CTPS2: variants seen among roughly 807,000 people sequenced by gnomAD.
CTPS2 encodes the protein CTP synthase 2.
A neutral mutation model predicts 46.8 loss-of-function variants in CTPS2; 19 were observed. That is an observed-to-expected ratio of 0.41 (90% CI 0.28 to 0.60). The LOEUF (loss-of-function observed/expected upper bound fraction) is 0.60. Ranked by LOEUF, CTPS2 falls within the 20% of genes least tolerant of loss-of-function variation. The pLI is 0.35. For synonymous variants in CTPS2, 151 were observed against 165.2 expected (o/e 0.91, Z 0.66); for missense variants, 286 against 447.6 (o/e 0.64, Z 3.26).
intron 14 of CTPS2, among the ~76,000 whole-genome samples, chrX:16,631,216 C>T (rs967049354): frequency 9.0e-6 from 1 of 111,017 alleles, no homozygotes; most frequent in East Asian, 2.8e-4. Context: ...GGCGTGGTGG[C>T]GGGCGCCTGT....
At chrX:16,695,301 T>A (rs1471799130) in intron 4 of CTPS2, among the ~76,000 whole-genome samples, 1 of 110,382 alleles carries the variant, frequency 9.1e-6, no homozygotes, top group Non-Finnish European at 1.9e-5. Context: ...GGTACTACAG[T>A]CTCCCTGCTA....
At chrX:16,617,514 A>C (rs1930597063) in intron 15 of CTPS2, among the ~76,000 whole-genome samples, 1 of 112,043 alleles carries the variant, frequency 8.9e-6, no homozygotes, top group African/African-American at 3.2e-5. Flanking sequence ...CTGACCTGGA[A>C]CCTTGAGACT....
intron 1 of CTPS2, among the ~76,000 whole-genome samples, chrX:16,708,017 C>G (rs1204500609): frequency 1.8e-5 from 2 of 110,791 alleles, no homozygotes; most frequent in South Asian, 3.7e-4. Flanking sequence ...GAGAGAGAGA[C>G]AGTAACTAAC....
intron 13 of CTPS2, among the ~76,000 whole-genome samples, chrX:16,667,019 T>C (rs1921244285): frequency 9.0e-6 from 1 of 111,078 alleles, no homozygotes; most frequent in South Asian, 3.8e-4. Context: ...ATTGTGACTG[T>C]CTTTAAGGCA....
At chrX:16,688,996 G>A (rs1033915802) in intron 8 of CTPS2, among the ~76,000 whole-genome samples, 36 of 110,930 alleles carry the variant, frequency 3.2e-4, no homozygotes, top group African/African-American at 1.1e-3. Flanking sequence ...CTACTCAGGA[G>A]GCTGAAGTGG....
chrX:16,671,808 C>A (rs930711404), intron 10 of CTPS2, among the ~76,000 whole-genome samples: 6 of 111,409 alleles, frequency 5.4e-5, no homozygotes, highest in Non-Finnish European at 1.1e-4. Flanking sequence ...AGCCACCATG[C>A]CCAGCCTCCA....
At chrX:16,694,466 C>G (rs181328442) in intron 4 of CTPS2, among the ~76,000 whole-genome samples, 11 of 111,990 alleles carry the variant, frequency 9.8e-5, no homozygotes, top group African/African-American at 3.6e-4. Flanking sequence ...CCCACTAGCC[C>G]TTGTCACAGC....
chrX:16,630,879 C>T (rs1336880148), intron 14 of CTPS2, among the ~76,000 whole-genome samples: 1 of 113,024 alleles, frequency 8.8e-6, no homozygotes, highest in African/African-American at 3.2e-5. Context: ...TGTTGGGACA[C>T]AACCATGCTC....
At chrX:16,631,531 A>G (rs1931470655) in intron 14 of CTPS2, among the ~76,000 whole-genome samples, 1 of 111,233 alleles carries the variant, frequency 9.0e-6, no homozygotes, top group South Asian at 3.8e-4. Context: ...AAATAAAGAA[A>G]TAAATAAATA....
intron 13 of CTPS2, among the ~76,000 whole-genome samples, chrX:16,646,718 A>G (rs1473392343): frequency 8.9e-6 from 1 of 112,253 alleles, no homozygotes; most frequent in Non-Finnish European, 1.9e-5. Flanking sequence ...TGCAGGGACC[A>G]GGTACTAACA....
chrX:16,690,700 T>C (rs760111359), intron 7 of CTPS2, among the ~76,000 whole-genome samples: 1 of 111,664 alleles, frequency 9.0e-6, no homozygotes, highest in East Asian at 2.8e-4. Context: ...CTTATTGGAA[T>C]CAAGAGACAG....
chrX:16,667,843 ACT>A, intron 11 of CTPS2, 119 bp from the exon 12 acceptor site: 1 of 625,665 alleles, frequency 1.6e-6, no homozygotes, highest in Non-Finnish European at 2.5e-6. Context: ...AGAGAGCAAG[ACT>A]CTGCCTGTTT....
At chrX:16,674,143 G>C (rs1313184168) in intron 10 of CTPS2, among the ~76,000 whole-genome samples, 1 of 103,472 alleles carries the variant, frequency 9.7e-6, no homozygotes, top group African/African-American at 3.7e-5. Flanking sequence ...TAGATTAAAA[G>C]GTTAAAGGAT....
intron 17 of CTPS2, among the ~76,000 whole-genome samples, chrX:16,599,467 C>CTTTTTTT (rs1009319649): frequency 3.2e-5 from 3 of 94,561 alleles, no homozygotes; most frequent in African/African-American, 1.2e-4. Context: ...TTTTCTTTTT[C>CTTTTTTT]TTTTTTTTCT....
chrX:16,665,342 G>A (rs780054605), intron 13 of CTPS2, among the ~76,000 whole-genome samples: 9 of 112,409 alleles, frequency 8.0e-5, no homozygotes, highest in Non-Finnish European at 1.1e-4. Context: ...TCACAGCAGC[G>A]TTAGTCACAA....
intron 13 of CTPS2, 87 bp downstream of exon 13, chrX:16,667,427 C>G: frequency 2.0e-6 from 2 of 1,011,975 alleles, no homozygotes; most frequent in Non-Finnish European, 2.8e-6. Context: ...AGCCATGGCG[C>G]CCAGCCAATA....
chrX:16,684,524 A>C (rs1209763723), intron 8 of CTPS2, among the ~76,000 whole-genome samples: 3 of 105,000 alleles, frequency 2.9e-5, no homozygotes, highest in East Asian at 6.1e-4. Flanking sequence ...AAAAAAAAAA[A>C]AAAACAAAAA....
At chrX:16,599,740 C>G (rs113017612) in intron 17 of CTPS2, among the ~76,000 whole-genome samples, 2 of 103,233 alleles carry the variant, frequency 1.9e-5, no homozygotes, top group Admixed American at 1.1e-4. Context: ...CCTCCCAAAG[C>G]GCTGGAATAA....
At chrX:16,675,729 A>G (rs941452114) in intron 10 of CTPS2, among the ~76,000 whole-genome samples, 1 of 111,565 alleles carries the variant, frequency 9.0e-6, no homozygotes, top group Non-Finnish European at 1.9e-5. Flanking sequence ...AAAATCAACT[A>G]TAGAACTCTA....
Sources: allele counts gnomAD v4.1 joint callset (sites outside exome capture counted in the v4.1 genomes callset), GRCh38; gene constraint gnomAD v4.1.1; transcripts MANE v1.5; gene names NCBI Gene and HGNC (gene_info 2026-07-23, HGNC 2026-07-21).